TCF7L1: variants seen among roughly 807,000 people sequenced by gnomAD.
TCF7L1 encodes transcription factor 7-like 1.
Under a neutral mutation model 63.7 loss-of-function variants are expected in TCF7L1, and 18 were observed. The ratio of observed to expected loss-of-function variants is 0.28; its 90% CI spans 0.20 to 0.42. TCF7L1 has a LOEUF of 0.42. Among genes scored for constraint, TCF7L1 ranks in the 10% least tolerant of loss-of-function variants. The pLI is 1.00. For synonymous variants in TCF7L1, 355 were observed against 340.9 expected, an observed-to-expected ratio of 1.04 and a Z score of -0.46; for missense variants, 654 against 779.3, an observed-to-expected ratio of 0.84 and a Z score of 1.91.
intron 3 of TCF7L1, among the ~76,000 whole-genome samples, chr2:85,212,294 CT>C (rs1270771327): frequency 1.3e-5 from 2 of 152,142 alleles, no homozygotes; most frequent in Non-Finnish European, 2.9e-5. Flanking sequence ...CACTTACCAG[CT>C]GGCATGACCT....
chr2:85,271,435 A>G (rs564664050), intron 3 of TCF7L1, among the ~76,000 whole-genome samples: 1 of 152,340 alleles, frequency 6.6e-6, no homozygotes, highest in Admixed American at 6.5e-5. Flanking sequence ...TTAAATGAAC[A>G]TAATAATATC....
chr2:85,208,230 A>G (rs1479422828), intron 3 of TCF7L1, among the ~76,000 whole-genome samples: 1 of 152,174 alleles, frequency 6.6e-6, no homozygotes, highest in Non-Finnish European at 1.5e-5. Context: ...TTGACTTAGT[A>G]TATTTTCAGC....
rs138636712 is a variant in TCF7L1 at position 85,173,893 on chromosome 2, C to T, written c.441+39443C>T. Among the ~76,000 whole-genome samples the T allele has an allele frequency of 9.1e-3, 1,379 of 152,204 alleles. 19 individuals are homozygous for T. The highest frequency in any genetic ancestry group is 0.031 in the African/African-American group (1,299 of 41,510). The stretch of plus-strand genomic sequence containing the variant: ...CTAGGATTACAGACCCGCACCACCA[C>T]GCCTGGCTAATTTTTGTATTTTTAG... On this transcript the variant is annotated intron_variant, in intron 3 of 11. Coordinates refer to ENST00000282111, the MANE Select transcript of TCF7L1 (RefSeq NM_031283.3).
intron 4 of TCF7L1, among the ~76,000 whole-genome samples, chr2:85,290,630 A>G (rs1000679575): frequency 3.9e-5 from 6 of 152,224 alleles, no homozygotes; most frequent in Non-Finnish European, 5.9e-5. Context: ...GAAAAGTAAA[A>G]ATAAAAAAGA....
At chr2:85,229,235 A>G (rs1680021616) in intron 3 of TCF7L1, among the ~76,000 whole-genome samples, 1 of 149,774 alleles carries the variant, frequency 6.7e-6, no homozygotes, top group Non-Finnish European at 1.5e-5. Flanking sequence ...AGTCCCAGCT[A>G]CTCCGGGAGG....
Position 85,307,728 on chromosome 2 carries a change from G to A in TCF7L1, c.1333+11G>A, listed in dbSNP as rs1483210301. ...TCCAGGAGGCAGAGGGTGCGTCTCG[G>A]GGCACTGGCCTCTTCTCCTGCTTTT... On this transcript the variant is annotated intron_variant, in intron 11 of 11. Coordinates refer to ENST00000282111, the MANE Select transcript of TCF7L1 (RefSeq NM_031283.3). 2 of 1,612,342 alleles carry A rather than the reference G, an allele frequency of 1.2e-6. No homozygotes were observed. The highest frequency in any genetic ancestry group is 1.7e-6 in the Non-Finnish European group (2 of 1,179,304).
intron 3 of TCF7L1, among the ~76,000 whole-genome samples, chr2:85,254,394 G>T (rs1295204522): frequency 2.6e-5 from 4 of 152,236 alleles, no homozygotes; most frequent in Non-Finnish European, 4.4e-5. Context: ...GGGGCTCCCT[G>T]GACGAAGTCC....
chr2:85,258,366 T>C (rs889504906), intron 3 of TCF7L1, among the ~76,000 whole-genome samples: 14 of 152,154 alleles, frequency 9.2e-5, no homozygotes, highest in African/African-American at 2.7e-4. Context: ...CCTGCCTGAC[T>C]CTTCCCTGGA....
At chr2:85,211,493 C>T (rs1679539256) in intron 3 of TCF7L1, among the ~76,000 whole-genome samples, 1 of 152,160 alleles carries the variant, frequency 6.6e-6, no homozygotes, top group Non-Finnish European at 1.5e-5. Context: ...AGTGGGATCT[C>T]CATGAAGGTA....
chr2:85,251,638 A>G (rs573385292), intron 3 of TCF7L1, among the ~76,000 whole-genome samples: 3 of 152,358 alleles, frequency 2.0e-5, no homozygotes, highest in East Asian at 3.9e-4. Flanking sequence ...CAGAGCATCT[A>G]TTCAGGTCAC....
chr2:85,263,178 A>G (rs1680894097), intron 3 of TCF7L1, among the ~76,000 whole-genome samples: 1 of 152,174 alleles, frequency 6.6e-6, no homozygotes, highest in Non-Finnish European at 1.5e-5. Context: ...CACTCAGAGA[A>G]TGGAATGATT....
At chr2:85,211,389 G>GA (rs1679537074) in intron 3 of TCF7L1, among the ~76,000 whole-genome samples, 1 of 152,196 alleles carries the variant, frequency 6.6e-6, no homozygotes, top group Non-Finnish European at 1.5e-5. Context: ...GGTTTAAAAA[G>GA]AAAGAGCTGG....
chr2:85,261,123 GGTGTGTGTGTGTGTGTGT>G lies in TCF7L1; in HGVS notation c.442-22340_442-22323del, dbSNP rs3223762. ...TTCAATTACTTCCTCAATTATTGCT[GGTGTGTGTGTGTGTGTGT>G]GTGTGTGTGTGTGTGTGTGTGTGTG... On this transcript the variant is annotated intron_variant, in intron 3 of 11. Coordinates refer to ENST00000282111, the MANE Select transcript of TCF7L1 (RefSeq NM_031283.3). Among the ~76,000 whole-genome samples, 8 of 106,698 alleles carry G rather than the reference GGTGTGTGTGTGTGTGTGT, an allele frequency of 7.5e-5. No individual in the cohort carries two copies. The East Asian group carries it at 1.2e-3, about 17-fold the overall frequency. The allele number at this position is 106,698 out of a possible 152,430, so 70.0% of individuals were successfully genotyped here. A position where few individuals can be genotyped will look rare whatever the true frequency, so the allele number is the denominator to read the frequency against.
chr2:85,246,459 A>C (rs1471222595), intron 3 of TCF7L1, among the ~76,000 whole-genome samples: 3 of 151,708 alleles, frequency 2.0e-5, no homozygotes, highest in Non-Finnish European at 2.9e-5. Flanking sequence ...ATACTTAACG[A>C]CTCACATCCA....
intron 3 of TCF7L1, among the ~76,000 whole-genome samples, chr2:85,176,527 C>G (rs571944809): frequency 6.6e-6 from 1 of 152,156 alleles, no homozygotes; most frequent in Admixed American, 6.5e-5. Flanking sequence ...CTTTCATGTC[C>G]CTGGCTCCAA....
At chr2:85,295,775 C>CCTT (rs1298988224) in intron 4 of TCF7L1, among the ~76,000 whole-genome samples, 1 of 100,884 alleles carries the variant, frequency 9.9e-6, no homozygotes, top group East Asian at 3.0e-4. Context: ...GTAACATTTA[C>CCTT]TTTTTTTTTT....
intron 3 of TCF7L1, among the ~76,000 whole-genome samples, chr2:85,136,585 A>T (rs953151632): frequency 1.3e-5 from 2 of 151,866 alleles, no homozygotes; most frequent in Non-Finnish European, 2.9e-5. Context: ...TTTCTTGGGG[A>T]CTTAGTATGT....
chr2:85,223,781 G>A (rs911700540), intron 3 of TCF7L1, among the ~76,000 whole-genome samples: 2 of 152,080 alleles, frequency 1.3e-5, no homozygotes, highest in Non-Finnish European at 2.9e-5. Context: ...GCTGTTCTTT[G>A]TCCCTATTTT....
intron 3 of TCF7L1, among the ~76,000 whole-genome samples, chr2:85,279,270 C>A (rs1289618860): frequency 6.6e-6 from 1 of 152,184 alleles, no homozygotes; most frequent in African/African-American, 2.4e-5. Flanking sequence ...CTAAGAAGAG[C>A]TTTATTGGCT....
Sources: gnomAD v4.1 joint callset for allele counts (sites outside exome capture counted in the v4.1 genomes callset) on GRCh38, gnomAD v4.1.1 for gene constraint, MANE v1.5 for transcripts, NCBI Gene and HGNC (gene_info 2026-07-23, HGNC 2026-07-21) for gene names.